Variants in EYS observed in about 807,000 individuals in gnomAD.
The protein encoded by EYS is protein eyes shut homolog.
A neutral mutation model predicts 282.1 loss-of-function variants in EYS; 250 were observed. The observed-to-expected ratio is 0.89, with a 90% CI of 0.80 to 0.98. The LOEUF is 0.98. EYS is among the 50% of genes least tolerant of loss of function. EYS has a pLI of 0.00. For missense variants in EYS, 4,016 were observed against 3,709.0 expected (o/e 1.08, Z -2.15); for synonymous variants, 1,355 against 1,282.9 (o/e 1.06, Z -1.20).
intron 2 of EYS, among the ~76,000 whole-genome samples, chr6:65,593,192 T>G (rs2127369339): frequency 6.6e-6 from 1 of 152,220 alleles, no homozygotes; most frequent in African/African-American, 2.4e-5. Context: ...AAATGTCATC[T>G]GTCTTTCCAA....
chr6:64,313,228 TG>T (rs1769796703), intron 29 of EYS, among the ~76,000 whole-genome samples: 1 of 152,100 alleles, frequency 6.6e-6, no homozygotes, highest in African/African-American at 2.4e-5. Context: ...GAAAACTTCA[TG>T]AAGCATACAC....
At chr6:64,096,081 C>T (rs988761525) in intron 31 of EYS, among the ~76,000 whole-genome samples, 4 of 152,202 alleles carry the variant, frequency 2.6e-5, no homozygotes, top group African/African-American at 4.8e-5. Context: ...ATATTGGCCC[C>T]CACTCTCTTC....
chr6:64,206,062 C>T (rs1765601136), intron 31 of EYS, among the ~76,000 whole-genome samples: 1 of 151,864 alleles, frequency 6.6e-6, no homozygotes, highest in Non-Finnish European at 1.5e-5. Flanking sequence ...TCTTCCCCTG[C>T]CCAAAATAAT....
intron 35 of EYS, among the ~76,000 whole-genome samples, chr6:63,967,164 G>A (rs896945248): frequency 1.3e-5 from 2 of 152,082 alleles, no homozygotes; most frequent in South Asian, 2.1e-4. Flanking sequence ...ACTGACTGGC[G>A]GATGGGTTGC....
intron 41 of EYS, among the ~76,000 whole-genome samples, chr6:63,755,201 C>T (rs1354368372): frequency 2.0e-5 from 3 of 152,112 alleles, no homozygotes; most frequent in South Asian, 4.1e-4. Context: ...TTACTTAGAT[C>T]CCACTTGTCA....
intron 30 of EYS, among the ~76,000 whole-genome samples, chr6:64,246,161 A>T (rs1230475387): frequency 2.0e-5 from 3 of 147,034 alleles, no homozygotes; most frequent in Non-Finnish European, 4.5e-5. Flanking sequence ...GAGGTATGAA[A>T]GTTTCCTTAG....
At chr6:64,983,507 C>T (rs1770751692) in intron 14 of EYS, among the ~76,000 whole-genome samples, 1 of 151,212 alleles carries the variant, frequency 6.6e-6, no homozygotes, top group Non-Finnish European at 1.5e-5. Context: ...GATGTTTCCA[C>T]TCATAAACAA....
chr6:64,734,458 T>C (rs142254237), intron 22 of EYS, among the ~76,000 whole-genome samples: 116 of 152,348 alleles, frequency 7.6e-4, no homozygotes, highest in African/African-American at 2.6e-3. Flanking sequence ...TTGATGTGAT[T>C]TTTTCCACTG....
intron 31 of EYS, among the ~76,000 whole-genome samples, chr6:64,115,362 C>T (rs75531740): frequency 0.043 from 6,488 of 152,120 alleles, 406 homozygotes; most frequent in African/African-American, 0.14. Context: ...ACTACCCAGG[C>T]GCCACACACC....
intron 15 of EYS, among the ~76,000 whole-genome samples, chr6:64,930,712 A>C (rs995864173): frequency 3.9e-5 from 6 of 152,154 alleles, no homozygotes; most frequent in African/African-American, 1.4e-4. Context: ...ACTAAGGAAA[A>C]AAATGCTTAC....
intron 26 of EYS, among the ~76,000 whole-genome samples, chr6:64,477,192 G>GA (rs1414548577): frequency 6.6e-6 from 1 of 152,036 alleles, no homozygotes; most frequent in Non-Finnish European, 1.5e-5. Context: ...ATTCTTCAAT[G>GA]AAAAATAATG....
At chr6:64,603,851 A>G (rs1398471011) in intron 24 of EYS, among the ~76,000 whole-genome samples, 1 of 149,022 alleles carries the variant, frequency 6.7e-6, no homozygotes, top group African/African-American at 2.5e-5. Flanking sequence ...CTACTAAAGT[A>G]AATGAATACC....
chr6:64,884,540 T>C (rs894361329), intron 19 of EYS, among the ~76,000 whole-genome samples: 1 of 151,256 alleles, frequency 6.6e-6, no homozygotes, highest in Non-Finnish European at 1.5e-5. Context: ...GATTTGAACA[T>C]CTCACAAAAC....
At chr6:64,339,535 T>C (rs568209711) in intron 29 of EYS, among the ~76,000 whole-genome samples, 67 of 152,106 alleles carry the variant, frequency 4.4e-4, no homozygotes, top group African/African-American at 1.6e-3. Flanking sequence ...CTGGTGGGAA[T>C]GTAAACTAGT....
intron 7 of EYS, among the ~76,000 whole-genome samples, chr6:65,397,891 C>T (rs899792239): frequency 6.6e-6 from 1 of 151,916 alleles, no homozygotes; most frequent in African/African-American, 2.4e-5. Flanking sequence ...TAAGCATACC[C>T]TTCTCTCTGC....
intron 26 of EYS, among the ~76,000 whole-genome samples, chr6:64,545,443 C>T (rs1764825131): frequency 6.6e-6 from 1 of 152,166 alleles, no homozygotes; most frequent in African/African-American, 2.4e-5. Context: ...TGGAGGCATT[C>T]CCTTTGAAAA....
At chr6:64,628,067 G>C (rs1002129700) in intron 22 of EYS, among the ~76,000 whole-genome samples, 2 of 152,082 alleles carry the variant, frequency 1.3e-5, no homozygotes, top group Non-Finnish European at 2.9e-5. Flanking sequence ...GCGACAGTGC[G>C]AGACTCCGTC....
At chr6:64,699,239 C>T (rs1200459603) in intron 22 of EYS, among the ~76,000 whole-genome samples, 1 of 151,992 alleles carries the variant, frequency 6.6e-6, no homozygotes, top group Non-Finnish European at 1.5e-5. Context: ...AACCAAATAC[C>T]ACATGTTCTT....
intron 11 of EYS, among the ~76,000 whole-genome samples, chr6:65,317,799 TTCC>T (rs1562092820): frequency 3.2e-5 from 1 of 31,468 alleles, no homozygotes. Context: ...CCTTCCTTCC[TTCC>T]TTCCTTCCTT....
Sources: allele counts gnomAD v4.1 joint callset (sites outside exome capture counted in the v4.1 genomes callset), GRCh38; gene constraint gnomAD v4.1.1; transcripts MANE v1.5; gene names NCBI Gene and HGNC (gene_info 2026-07-23, HGNC 2026-07-21).